DYNC2H1: variants seen among roughly 807,000 people sequenced by gnomAD.
DYNC2H1 encodes dynein cytoplasmic 2 heavy chain 1.
In DYNC2H1, 410 loss-of-function variants were observed where a neutral mutation model predicts 570.0. The ratio of observed to expected loss-of-function variants is 0.72; its 90% confidence interval spans 0.66 to 0.78. DYNC2H1 has a LOEUF of 0.78. Among genes scored for constraint, DYNC2H1 ranks in the 30% least tolerant of loss-of-function variants. DYNC2H1 has a pLI of 0.00. For synonymous variants in DYNC2H1, 1,688 were observed against 1,677.6 expected, an observed-to-expected ratio of 1.01 and a Z score of -0.15; for missense variants, 4,865 against 5,046.4, an observed-to-expected ratio of 0.96 and a Z score of 1.09.
In DYNC2H1 at chr11:103,165,965, T is replaced by A; in HGVS notation, c.4679T>A (p.Leu1560His). The A allele has an allele frequency of 6.6e-7, 1 of 1,525,182 alleles. No homozygotes were observed. The highest frequency in any genetic ancestry group is 1.4e-5 in the African/African-American group (1 of 72,080). The allele number at this position is 1,525,182 out of a possible 1,614,324, so 94.5% of individuals were successfully genotyped here. A position where few individuals can be genotyped will look rare whatever the true frequency, so the allele number is the denominator to read the frequency against. ...GAAAATGCTATTAAAGATCATAGTC[T>A]TCATCAGATTGAAACACAACTGGTG... Reference protein sequence around the residue: ...DVENAIKDHSLHQIETQLVNK... With the variant: ...DVENAIKDHSHHQIETQLVNK... Residue 1560 changes from leucine to histidine, a missense_variant, in exon 31 of 89, where the codon CTT (leucine) becomes CAT (histidine). Coordinates refer to ENST00000375735, the MANE Select transcript of DYNC2H1 (RefSeq NM_001377.3).
intron 82 of DYNC2H1, among the ~76,000 whole-genome samples, chr11:103,332,964 C>T (rs1046037561): frequency 6.6e-6 from 1 of 151,636 alleles, no homozygotes; most frequent in Admixed American, 6.6e-5. Context: ...GATCATGCCA[C>T]TGTACTCCAG....
chr11:103,317,753 C>T (rs1232506344), intron 80 of DYNC2H1, among the ~76,000 whole-genome samples: 1 of 152,108 alleles, frequency 6.6e-6, no homozygotes, highest in Non-Finnish European at 1.5e-5. Context: ...TTGGATGTAT[C>T]CTCTTGAGAA....
At chr11:103,165,308 C>T (rs1222450278) in intron 30 of DYNC2H1, among the ~76,000 whole-genome samples, 1 of 151,960 alleles carries the variant, frequency 6.6e-6, no homozygotes, top group East Asian at 1.9e-4. Context: ...TTGTATTTTT[C>T]AGTAGAGACG....
At position 103,192,257 on chromosome 11, in the gene DYNC2H1, T is replaced by A. The variant is rs1862347068; in HGVS notation, c.7701T>A (p.Asn2567Lys). 2 of 1,551,392 alleles carry A rather than the reference T, an allele frequency of 1.3e-6. No individual in the cohort carries two copies. The highest frequency in any genetic ancestry group is 1.8e-6 in the Non-Finnish European group (2 of 1,141,008). ...ATTGGGGCTCAGACATATTAGACAA[T>A]ATGTCAGGTAAGGTAATAGAGCTTA... ...QGDWGSDILD[N>K]MSDSFYVTWG... Residue 2567 changes from asparagine to lysine, a missense_variant, in exon 47 of 89, where the codon AAT becomes AAA. By Grantham distance (94) the Asn-to-Lys change is moderately conservative (BLOSUM62 0). Transcript: ENST00000375735.
chr11:103,177,957 A>G lies in DYNC2H1; in HGVS notation c.6139+137A>G. On this transcript the variant is annotated intron_variant, in intron 38 of 88. Transcript: ENST00000375735. This position sits in a 1 kb window ranked among gnomAD's most constrained non-coding sequence, Gnocchi z 4.4. ...TAAGTTAAAATGATGTACATTTGAT[A>G]TTTTACTTTGGAGGGGGCCAAGACA... is the stretch of plus-strand genomic sequence containing the variant. The G allele has an allele frequency of 9.6e-7, 1 of 1,038,518 alleles. No individual in the cohort carries two copies. Among genetic ancestry groups the G allele is most frequent in the Non-Finnish European group, 1.3e-6 (1 of 760,388 alleles). 64.3% of individuals were successfully genotyped at this position (1,038,518 alleles called of 1,614,324 possible).
intron 54 of DYNC2H1, 125 bp from the exon 55 acceptor site, chr11:103,215,596 A>G (rs999165406): frequency 1.0e-5 from 9 of 861,688 alleles, no homozygotes; most frequent in African/African-American, 1.7e-5. Context: ...ACCTAAGTCT[A>G]CTTGCTACTG....
At chr11:103,393,852 C>G (rs1274651003) in intron 83 of DYNC2H1, among the ~76,000 whole-genome samples, 1 of 152,174 alleles carries the variant, frequency 6.6e-6, no homozygotes, top group Non-Finnish European at 1.5e-5. Flanking sequence ...TGGATGCGGG[C>G]AGGCAAAGAG....
intron 82 of DYNC2H1, among the ~76,000 whole-genome samples, chr11:103,336,043 G>A (rs11225722): frequency 0.052 from 7,848 of 152,182 alleles, 257 homozygotes; most frequent in Non-Finnish European, 0.075. Flanking sequence ...AGATTCAGTC[G>A]CTTTTCTCCA....
intron 17 of DYNC2H1, among the ~76,000 whole-genome samples, chr11:103,137,217 G>A (rs1452376414): frequency 6.7e-6 from 1 of 148,752 alleles, no homozygotes; most frequent in Non-Finnish European, 1.5e-5. Flanking sequence ...CTGTGCAGAA[G>A]CTCTTTAGTT....
chr11:103,422,032 C>CACAA (rs952442762), intron 84 of DYNC2H1, among the ~76,000 whole-genome samples: 1 of 151,750 alleles, frequency 6.6e-6, no homozygotes, highest in Non-Finnish European at 1.5e-5. Flanking sequence ...CACAGAAAAA[C>CACAA]ACAAACAACT....
chr11:103,114,613 T>TCACTGTAAA (rs750771944), intron 3 of DYNC2H1, among the ~76,000 whole-genome samples: 12 of 152,192 alleles, frequency 7.9e-5, no homozygotes, highest in Non-Finnish European at 1.3e-4. Context: ...TTCTATAAAG[T>TCACTGTAAA]CACTGTAAAC....
intron 29 of DYNC2H1, 58 bp downstream of exon 29, chr11:103,161,102 T>C (rs1861073548): frequency 4.1e-6 from 4 of 985,376 alleles, no homozygotes; most frequent in South Asian, 2.0e-5. Flanking sequence ...ATGAACTTTG[T>C]GTCTAAAATA....
rs979240403 is a variant in DYNC2H1 at position 103,252,337 on chromosome 11, G to A, written c.10043-948G>A. Among the ~76,000 whole-genome samples, 4 of 152,068 alleles carry A rather than the reference G, an allele frequency of 2.6e-5. No individual in the cohort carries two copies. Among genetic ancestry groups the A allele is most frequent in the African/African-American group, 4.8e-5 (2 of 41,406 alleles). On this transcript the variant is annotated intron_variant, in intron 65 of 88. Coordinates refer to ENST00000375735, the MANE Select transcript of DYNC2H1 (RefSeq NM_001377.3). The surrounding 1 kb of genome is among the most constrained non-coding windows in gnomAD (Gnocchi z 4.6). ...GAAATGGGAGTGCAGATATCTTTAT[G>A]AGGTGGTGACTTATTTCCTTTGGGC...
chr11:103,154,148 T>C (rs1307137321), intron 22 of DYNC2H1, among the ~76,000 whole-genome samples: 23 of 151,804 alleles, frequency 1.5e-4, no homozygotes, highest in Admixed American at 1.4e-3. Context: ...ATATATAATA[T>C]GTATTACGTA....
rs1860217289 is a variant in DYNC2H1 at position 103,145,876 on chromosome 11, T to TC, written c.2703-1896_2703-1895insC. 6.6e-6 allele frequency among the ~76,000 whole-genome samples: 1 copy of TC among 152,228 alleles called. No homozygotes were observed. Among genetic ancestry groups the TC allele is most frequent in the Non-Finnish European group, 1.5e-5 (1 of 68,026 alleles). Reference sequence around the variant, plus strand: ...TGAATATTTTCAAATGAAAGATGAATGTTAGCCTTGTCCACAGCACTCCGT... The same window carrying TC: ...TGAATATTTTCAAATGAAAGATGAATCGTTAGCCTTGTCCACAGCACTCCGT... On this transcript the variant is annotated intron_variant, in intron 18 of 88. Transcript: ENST00000375735. This position sits in a 1 kb window ranked among gnomAD's most constrained non-coding sequence, Gnocchi z 4.2.
chr11:103,111,354 C>A (rs933779049), intron 1 of DYNC2H1, among the ~76,000 whole-genome samples: 1 of 152,144 alleles, frequency 6.6e-6, no homozygotes, highest in Non-Finnish European at 1.5e-5. Flanking sequence ...TATATGTATT[C>A]GTTCATTTAA....
At chr11:103,454,798 C>A (rs191384520) in intron 85 of DYNC2H1, among the ~76,000 whole-genome samples, 3 of 152,150 alleles carry the variant, frequency 2.0e-5, no homozygotes, top group African/African-American at 7.2e-5. Context: ...ACCATCAAAT[C>A]TGGAACTGGA....
rs1046088041 is a variant in DYNC2H1, at chr11:103,156,274, T to G, written c.3745-114T>G. Reference sequence around the variant, plus strand: ...TAGAGCCACTTAACTTTTTTTTTTTTGCCTTATGGTGAAAAGCCAGATAAA... The same window carrying G: ...TAGAGCCACTTAACTTTTTTTTTTTGGCCTTATGGTGAAAAGCCAGATAAA... On this transcript the variant is annotated intron_variant, in intron 25 of 88. Coordinates refer to ENST00000375735, the MANE Select transcript of DYNC2H1 (RefSeq NM_001377.3). 7.0e-5 allele frequency: 76 copies of G among 1,083,934 alleles called. 2 individuals are homozygous for G. Among genetic ancestry groups the G allele is most frequent in the Non-Finnish European group, 1.4e-5 (11 of 772,628 alleles). The allele number at this position is 1,083,934 out of a possible 1,614,324, so 67.1% of individuals were successfully genotyped here.
intron 37 of DYNC2H1, among the ~76,000 whole-genome samples, chr11:103,176,762 G>T (rs1465921598): frequency 1.3e-5 from 2 of 152,202 alleles, no homozygotes; most frequent in African/African-American, 4.8e-5. Context: ...CTGGAGTGCG[G>T]TGGTGTGATC....
Sources: allele counts gnomAD v4.1 joint callset (sites outside exome capture counted in the v4.1 genomes callset), GRCh38; gene constraint gnomAD v4.1.1; non-coding constraint Gnocchi (gnomAD v3.1); transcripts MANE v1.5; gene names NCBI Gene and HGNC (gene_info 2026-07-23, HGNC 2026-07-21).